The following CCDC6 variants were observed in gnomAD, a reference collection of about 807,000 sequenced individuals.
CCDC6 encodes coiled-coil domain containing 6.
A neutral mutation model predicts 56.6 loss-of-function variants in CCDC6; 20 were observed. The ratio of observed to expected loss-of-function variants is 0.35; its 90% CI spans 0.25 to 0.51. The LOEUF (loss-of-function observed/expected upper bound fraction) is 0.51, where lower values mean the gene tolerates loss of function less well. Among genes scored for constraint, CCDC6 ranks in the 20% least tolerant of loss-of-function variants. The pLI, the probability that CCDC6 is intolerant of heterozygous loss-of-function variation, is 0.95. For missense variants in CCDC6, 367 were observed against 601.1 expected (o/e 0.61, Z 4.07); for synonymous variants, 241 against 234.4 (o/e 1.03, Z -0.26).
At chr10:59,900,221 A>C (rs1034268051) in intron 1 of CCDC6, among the ~76,000 whole-genome samples, 1 of 152,120 alleles carries the variant, frequency 6.6e-6, no homozygotes, top group African/African-American at 2.4e-5. Context: ...GGTGGTGTCT[A>C]TGGAACCACG....
intron 1 of CCDC6, among the ~76,000 whole-genome samples, chr10:59,879,588 T>C (rs1178854786): frequency 5.1e-5 from 3 of 58,852 alleles, no homozygotes; most frequent in African/African-American, 6.8e-5. Flanking sequence ...TACAAACATA[T>C]CCCATCTCGG....
rs995241412 is a variant in CCDC6 at position 59,906,324 on chromosome 10, C to T, written c.101G>A (p.Gly34Asp). ...GCCGCCGCCTCCCCCGCCGCCACCG[C>T]CGCCGCCCGAGGTCGACGAGCAGGA... The part of the protein sequence containing the change: ...QSSCSSTSGG[G>D]GGGGGGGGGG... Residue 34 changes from glycine (G) to aspartate (D), a missense_variant, in exon 1 of 9, where the codon GGC becomes GAC. By Grantham distance (94) the Gly-to-Asp change is moderately conservative (BLOSUM62 -1). Coordinates refer to ENST00000263102, the MANE Select transcript of CCDC6 (RefSeq NM_005436.5). The T allele has an allele frequency of 6.2e-7, 1 of 1,600,812 alleles. No individual in the cohort carries two copies. The highest frequency in any genetic ancestry group is 8.5e-7 in the Non-Finnish European group (1 of 1,178,894).
chr10:59,818,886 G>A (rs183643349), intron 3 of CCDC6, among the ~76,000 whole-genome samples: 3 of 152,304 alleles, frequency 2.0e-5, no homozygotes, highest in Admixed American at 2.0e-4. Context: ...TCAGCAAGCC[G>A]CTGTAATTGT....
At chr10:59,844,524 CA>C (rs1329535644) in intron 2 of CCDC6, among the ~76,000 whole-genome samples, 2 of 149,952 alleles carry the variant, frequency 1.3e-5, no homozygotes, top group African/African-American at 2.5e-5. Flanking sequence ...CTTAGGCAGG[CA>C]GATCACTTGT....
intron 1 of CCDC6, among the ~76,000 whole-genome samples, chr10:59,854,185 A>C (rs2071061723): frequency 6.6e-6 from 1 of 152,114 alleles, no homozygotes; most frequent in South Asian, 2.1e-4. Flanking sequence ...CTTACTGTAA[A>C]AGGCTCCGAC....
chr10:59,875,096 T>C (rs762415643), intron 1 of CCDC6, among the ~76,000 whole-genome samples: 10 of 152,214 alleles, frequency 6.6e-5, no homozygotes, highest in Admixed American at 3.3e-4. Flanking sequence ...AAAATTGTCA[T>C]GATACGTGTT....
intron 1 of CCDC6, among the ~76,000 whole-genome samples, chr10:59,870,483 A>G (rs1044356894): frequency 4.6e-5 from 7 of 152,128 alleles, no homozygotes; most frequent in African/African-American, 1.7e-4. Context: ...CCATCCTGTC[A>G]CCACTGTTGG....
At chr10:59,861,432 C>CAAAAAAAAAAAAAAAAAAAAATAACA (rs2071127913) in intron 1 of CCDC6, among the ~76,000 whole-genome samples, 1 of 88,948 alleles carries the variant, frequency 1.1e-5, no homozygotes, top group Non-Finnish European at 2.2e-5. Flanking sequence ...CAAAAATTAC[C>CAAAAAAAAAAAAAAAAAAAAATAACA]AAAAAAAAAA....
At chr10:59,876,865 T>C (rs2071286856) in intron 1 of CCDC6, among the ~76,000 whole-genome samples, 1 of 152,180 alleles carries the variant, frequency 6.6e-6, no homozygotes, top group Non-Finnish European at 1.5e-5. Flanking sequence ...GGTTATGTTA[T>C]GAGACATGCA....
chr10:59,804,740 G>A (rs1250145013), intron 6 of CCDC6: 1 of 485,052 alleles, frequency 2.1e-6, no homozygotes, highest in Non-Finnish European at 3.8e-6. Flanking sequence ...GGAGACCTAG[G>A]ATGTTTTAGC....
chr10:59,867,451 G>A (rs370886113), intron 1 of CCDC6, among the ~76,000 whole-genome samples: 62 of 152,318 alleles, frequency 4.1e-4, no homozygotes, highest in African/African-American at 1.4e-3. Context: ...TCTGAAGCCT[G>A]CTACTTTGGA....
At chr10:59,854,946 G>T (rs572509630) in intron 1 of CCDC6, among the ~76,000 whole-genome samples, 16 of 152,174 alleles carry the variant, frequency 1.1e-4, no homozygotes, top group Non-Finnish European at 2.4e-4. Context: ...TCAAAAGGGT[G>T]TTTGCCATAA....
intron 1 of CCDC6, among the ~76,000 whole-genome samples, chr10:59,876,073 C>CTTTTT (rs1172379933): frequency 5.1e-5 from 5 of 97,586 alleles, no homozygotes; most frequent in African/African-American, 1.2e-4. Context: ...GCACAGATGT[C>CTTTTT]TTTTTTTTTT....
chr10:59,826,805 A>G (rs2070792062), intron 3 of CCDC6, among the ~76,000 whole-genome samples: 1 of 152,196 alleles, frequency 6.6e-6, no homozygotes, highest in Non-Finnish European at 1.5e-5. Flanking sequence ...TAAATGATAT[A>G]CACACTTATT....
At chr10:59,805,576 T>C (rs112939356) in intron 6 of CCDC6, 3 of 152,222 alleles carry the variant, frequency 2.0e-5, no homozygotes, top group African/African-American at 7.2e-5. Flanking sequence ...ATGCTATATA[T>C]GATCTGTATC....
In CCDC6 at chr10:59,876,055, G is replaced by A. The variant is rs1233794780; in HGVS notation, c.304-23353C>T. On this transcript the variant is annotated intron_variant, in intron 1 of 8. Coordinates refer to ENST00000263102, the MANE Select transcript of CCDC6 (RefSeq NM_005436.5). Reference sequence around the variant, plus strand: ...GGCCAACAAGCCTACACACATACACGAGTGCATGCACAGATGTCTTTTTTT... The same window carrying A: ...GGCCAACAAGCCTACACACATACACAAGTGCATGCACAGATGTCTTTTTTT... Among the ~76,000 whole-genome samples the A allele has an allele frequency of 6.0e-5, 7 of 117,058 alleles. No homozygotes were observed. The East Asian group carries it at 1.7e-3, about 28-fold the overall frequency. 76.8% of individuals were successfully genotyped at this position (117,058 alleles called of 152,430 possible).
At chr10:59,804,687 C>T (rs1011876083) in intron 6 of CCDC6, 167 bp from the exon 7 acceptor site, 44 of 567,762 alleles carry the variant, frequency 7.7e-5, no homozygotes, top group Admixed American at 1.4e-4. Flanking sequence ...TGAGTCACAC[C>T]GCTCTGCTGT....
At chr10:59,881,835 G>A (rs1241603649) in intron 1 of CCDC6, among the ~76,000 whole-genome samples, 1 of 152,162 alleles carries the variant, frequency 6.6e-6, no homozygotes, top group African/African-American at 2.4e-5. Flanking sequence ...TAGGGTAGAC[G>A]TAACCTCAAA....
chr10:59,889,945 G>A (rs1190644415), intron 1 of CCDC6, among the ~76,000 whole-genome samples: 2 of 152,178 alleles, frequency 1.3e-5, no homozygotes, highest in African/African-American at 4.8e-5. Context: ...CCACTGGGAT[G>A]ACCAATCTCT....
Sources: allele counts gnomAD v4.1 joint callset (sites outside exome capture counted in the v4.1 genomes callset), GRCh38; gene constraint gnomAD v4.1.1; transcripts MANE v1.5; gene names NCBI Gene and HGNC (gene_info 2026-07-23, HGNC 2026-07-21).